DGKG: variants seen among roughly 807,000 people sequenced by gnomAD.
DGKG encodes DAG kinase gamma.
In DGKG, 78 loss-of-function variants were observed where a neutral mutation model predicts 105.3. The observed-to-expected ratio is 0.74, with a 90% CI of 0.62 to 0.89. The LOEUF is 0.89. DGKG is among the 40% of genes least tolerant of loss of function. DGKG has a pLI of 0.00. For missense variants in DGKG, 958 were observed against 1,020.1 expected (o/e 0.94, Z 0.83); for synonymous variants, 346 against 367.1 (o/e 0.94, Z 0.66).
At chr3:186,177,805 G>T (rs1389646585) in intron 22 of DGKG, among the ~76,000 whole-genome samples, 1 of 152,180 alleles carries the variant, frequency 6.6e-6, no homozygotes. Context: ...CAATGGTTTT[G>T]TCCCATAAGT....
intron 22 of DGKG, among the ~76,000 whole-genome samples, chr3:186,178,233 A>G (rs567975752): frequency 6.6e-6 from 1 of 152,288 alleles, no homozygotes; most frequent in South Asian, 2.1e-4. Context: ...ACTAAGAAAA[A>G]CACTTCTTGC....
At chr3:186,318,458 A>T (rs1724919282) in intron 2 of DGKG, among the ~76,000 whole-genome samples, 1 of 152,148 alleles carries the variant, frequency 6.6e-6, no homozygotes, top group East Asian at 1.9e-4. Flanking sequence ...ATCCTCTGTT[A>T]TCGGTTCAAC....
At chr3:186,207,806 C>T (rs759003826) in intron 21 of DGKG, among the ~76,000 whole-genome samples, 2 of 152,200 alleles carry the variant, frequency 1.3e-5, no homozygotes, top group Admixed American at 6.5e-5. Flanking sequence ...ATTTGACTCA[C>T]GTGGCTCTGC....
chr3:186,348,180 G>C (rs1726436725), intron 1 of DGKG, among the ~76,000 whole-genome samples: 1 of 151,958 alleles, frequency 6.6e-6, no homozygotes, highest in Non-Finnish European at 1.5e-5. Flanking sequence ...CAGTTGCATT[G>C]TTTCCTGACT....
At chr3:186,304,651 GGGATAATAATA>G (rs1724139132) in intron 3 of DGKG, among the ~76,000 whole-genome samples, 2 of 152,216 alleles carry the variant, frequency 1.3e-5, no homozygotes, top group African/African-American at 4.8e-5. Flanking sequence ...GGATGGAAGA[GGGATAATAATA>G]GGTACAGATT....
chr3:186,300,406 T>C (rs1272295807), intron 3 of DGKG, among the ~76,000 whole-genome samples: 1 of 152,198 alleles, frequency 6.6e-6, no homozygotes, highest in Admixed American at 6.5e-5. Context: ...TTGTTGAAGG[T>C]CACAGACGTG....
chr3:186,273,976 C>G (rs1234784040), intron 10 of DGKG, among the ~76,000 whole-genome samples: 2 of 152,150 alleles, frequency 1.3e-5, no homozygotes, highest in Non-Finnish European at 2.9e-5. Context: ...TCCTCCTGCT[C>G]CCTGTGTCCC....
Position 186,158,383 on chromosome 3 carries a change from A to G in DGKG, c.2277+3220T>C, listed in dbSNP as rs1716134501. On this transcript the variant is annotated intron_variant, in intron 24 of 24. Transcript: ENST00000265022. Reference sequence around the variant, plus strand: ...TCTTATTTTTGTAATTTTTTGAGTAATCTACCATGGTGGCTTTGATCTCCT... The same window carrying G: ...TCTTATTTTTGTAATTTTTTGAGTAGTCTACCATGGTGGCTTTGATCTCCT... 5 of 982,902 alleles carry G rather than the reference A, an allele frequency of 5.1e-6. No individual in the cohort carries two copies. In the African/African-American group the frequency reaches 8.7e-5, roughly 17 times the overall value. The allele number at this position is 982,902 out of a possible 1,614,324, so 60.9% of individuals were successfully genotyped here.
chr3:186,278,171 G>A (rs1722670318), intron 9 of DGKG, among the ~76,000 whole-genome samples: 1 of 151,972 alleles, frequency 6.6e-6, no homozygotes, highest in South Asian at 2.1e-4. Context: ...AGAGTTGGTG[G>A]TATTTTGAAC....
rs117100175 is a variant in DGKG, at chr3:186,161,745, T to C, written c.2217-82A>G. On this transcript the variant is annotated intron_variant, in intron 23 of 24. Coordinates refer to ENST00000265022, the MANE Select transcript of DGKG (RefSeq NM_001346.3). ...GTTATTCCCACCAGGAAAACAGAAG[T>C]AGGAAAACCTTATCTGCCTACCTAA... 1,690 of 1,601,638 alleles carry C rather than the reference T, an allele frequency of 1.1e-3. 47 individuals are homozygous for C. In the East Asian group the frequency reaches 0.029, roughly 28 times the overall value.
chr3:186,291,863 T>G (rs772409777), intron 5 of DGKG, among the ~76,000 whole-genome samples: 10 of 152,192 alleles, frequency 6.6e-5, no homozygotes, highest in Non-Finnish European at 1.2e-4. Flanking sequence ...ACTTATTAAT[T>G]ATACACTTAA....
chr3:186,360,167 G>A (rs1045928139), intron 1 of DGKG, among the ~76,000 whole-genome samples: 46 of 152,102 alleles, frequency 3.0e-4, no homozygotes, highest in African/African-American at 1.1e-3. Context: ...AGTTGGAGCA[G>A]TTGGGGGAGC....
At chr3:186,204,113 A>C (rs931614792) in intron 21 of DGKG, among the ~76,000 whole-genome samples, 1 of 152,154 alleles carries the variant, frequency 6.6e-6, no homozygotes, top group Non-Finnish European at 1.5e-5. Flanking sequence ...CTCTTTTTTA[A>C]AAATAATAGC....
intron 21 of DGKG, among the ~76,000 whole-genome samples, chr3:186,194,793 GGTCT>G (rs1718092266): frequency 1.6e-5 from 1 of 62,282 alleles, no homozygotes; most frequent in Non-Finnish European, 3.1e-5. Flanking sequence ...ACTCTTTCTT[GGTCT>G]TTCTTTAAAA....
intron 1 of DGKG, among the ~76,000 whole-genome samples, chr3:186,342,065 T>C (rs1726114086): frequency 6.6e-6 from 1 of 152,154 alleles, no homozygotes; most frequent in African/African-American, 2.4e-5. Context: ...TACCTAATGC[T>C]AGATGACGAG....
At chr3:186,300,391 C>A (rs1194727660) in intron 3 of DGKG, among the ~76,000 whole-genome samples, 1 of 152,176 alleles carries the variant, frequency 6.6e-6, no homozygotes, top group Non-Finnish European at 1.5e-5. Context: ...ACCTCTGAAA[C>A]TGCTTTGTTG....
intron 21 of DGKG, among the ~76,000 whole-genome samples, chr3:186,192,391 A>C (rs570210022): frequency 6.6e-6 from 1 of 152,280 alleles, no homozygotes; most frequent in Non-Finnish European, 1.5e-5. Context: ...CATCATCTCA[A>C]TTTATTCACT....
chr3:186,309,336 CAG>C (rs1351668653), intron 2 of DGKG, among the ~76,000 whole-genome samples: 3 of 152,116 alleles, frequency 2.0e-5, no homozygotes, highest in African/African-American at 7.2e-5. Context: ...AAGTCAGAAC[CAG>C]AGAGTCATTT....
intron 1 of DGKG, among the ~76,000 whole-genome samples, chr3:186,357,846 A>G (rs1485369571): frequency 3.3e-5 from 5 of 152,250 alleles, no homozygotes; most frequent in African/African-American, 1.2e-4. Context: ...GCAATGATGG[A>G]AATCTTTTAA....
Sources: allele counts gnomAD v4.1 joint callset (sites outside exome capture counted in the v4.1 genomes callset), GRCh38; gene constraint gnomAD v4.1.1; transcripts MANE v1.5; gene names NCBI Gene and HGNC (gene_info 2026-07-23, HGNC 2026-07-21).